Variants in SLCO4A1 observed in about 807,000 individuals in gnomAD.
SLCO4A1 encodes colon organic anion transporter.
A neutral mutation model predicts 64.6 loss-of-function variants in SLCO4A1; 51 were observed. The observed-to-expected ratio is 0.79, with a 90% confidence interval of 0.63 to 1.00. The LOEUF is 1.00. SLCO4A1 is among the 50% of genes least tolerant of loss of function. The probability of loss-of-function intolerance (pLI) is 0.00; values close to 1 mark genes in which losing one functional copy is unlikely to be tolerated. For synonymous variants in SLCO4A1, 471 were observed against 444.9 expected (o/e 1.06, Z -0.74); for missense variants, 919 against 980.5 (o/e 0.94, Z 0.84).
downstream of SLCO4A1, among the ~76,000 whole-genome samples, chr20:62,673,717 G>GCA (rs1987443600): frequency 1.3e-5 from 2 of 148,862 alleles, no homozygotes; most frequent in African/African-American, 2.4e-5. Context: ...GCTCAGCCCT[G>GCA]GCCTTCAAGG....
chr20:62,687,221 G>GCGCCCCCAAACAGGA (rs1988096908), downstream of SLCO4A1, among the ~76,000 whole-genome samples: 2 of 152,120 alleles, frequency 1.3e-5, no homozygotes, highest in African/African-American at 2.4e-5. Flanking sequence ...CAGGAGCGGG[G>GCGCCCCCAAACAGGA]GCCTCTGAAG....
At chr20:62,685,796 G>A (rs1024529969), downstream of SLCO4A1, 1 of 152,200 alleles carries the variant, frequency 6.6e-6, no homozygotes, top group Admixed American at 6.5e-5. The surrounding 1 kb of genome is among the most constrained non-coding windows in gnomAD (Gnocchi z 4.6). Context: ...TAAGAATTCT[G>A]CCCTTGCAAG....
intron 2 of SLCO4A1, among the ~76,000 whole-genome samples, chr20:62,681,690 C>T (rs945177787): frequency 7.9e-5 from 12 of 152,188 alleles, no homozygotes; most frequent in Admixed American, 7.2e-4. Flanking sequence ...GGTAAAATCA[C>T]CAGGTTGTGT....
chr20:62,686,743 G>A (rs549621785), downstream of SLCO4A1, among the ~76,000 whole-genome samples: 21 of 152,348 alleles, frequency 1.4e-4, no homozygotes, highest in East Asian at 3.3e-3. Context: ...AGGTTTGGAC[G>A]GTGCAGAGAC....
At chr20:62,689,821 G>A (rs1344366995), downstream of SLCO4A1, among the ~76,000 whole-genome samples, 2 of 152,350 alleles carry the variant, frequency 1.3e-5, no homozygotes, top group South Asian at 4.1e-4. Context: ...CCCACTCCAT[G>A]TGTGGGACGG....
chr20:62,668,413 T>A (rs1601674714), intron 9 of SLCO4A1, 64 bp from the exon 10 acceptor site: 1 of 1,538,262 alleles, frequency 6.5e-7, no homozygotes, highest in East Asian at 2.2e-5. Flanking sequence ...GCCACTGGCC[T>A]AGGGGGTGAC....
rs906943455 is a variant in SLCO4A1, at chr20:62,685,306, G to GC, written n.212-129dup. On this transcript the variant is annotated intron_variant and non_coding_transcript_variant, in intron 2 of 2. Transcript: ENST00000466818. The surrounding 1 kb of genome is among the most constrained non-coding windows in gnomAD (Gnocchi z 4.6). ...GGGCTGGGCCCTGGCTGCCCTGGCTGCCCCCCGACACCTTCCCCAGCTGGT... is the reference window on the plus strand; with the variant it reads ...GGGCTGGGCCCTGGCTGCCCTGGCTGCCCCCCCGACACCTTCCCCAGCTGGT... 1.5e-5 allele frequency: 4 copies of GC among 258,370 alleles called. No homozygotes were observed. The highest frequency in any genetic ancestry group is 1.5e-4 in the South Asian group (1 of 6,854). The allele number at this position is 258,370 out of a possible 1,614,324, so 16.0% of individuals were successfully genotyped here.
Position 62,656,723 on chromosome 20 carries a change from C to T in SLCO4A1, c.269C>T (p.Ala90Val). 5.0e-6 allele frequency: 8 copies of T among 1,610,818 alleles called. No individual in the cohort carries two copies. Among genetic ancestry groups the T allele is most frequent in the Non-Finnish European group, 6.8e-6 (8 of 1,179,082 alleles). ...CAGAGCGTGGCGTGCGGCTGGTGGG[C>T]CTTCGCACCGCCGTGCCTGCAGGTC... ...AGQSVACGWW[A>V]FAPPCLQVLN... The change falls in exon 2 of 12, where the codon GCC becomes GTC. Residue 90 changes from alanine to valine, a missense_variant. Transcript: ENST00000217159.
At chr20:62,651,430 G>A (rs1013527369) in intron 1 of SLCO4A1, 5 of 152,238 alleles carry the variant, frequency 3.3e-5, no homozygotes, top group Admixed American at 2.6e-4. Flanking sequence ...AGGCCCCAAC[G>A]GAAGCCCCTG....
intron 2 of SLCO4A1, among the ~76,000 whole-genome samples, chr20:62,657,909 A>G (rs1984033597): frequency 6.6e-6 from 1 of 152,234 alleles, no homozygotes; most frequent in Non-Finnish European, 1.5e-5. Flanking sequence ...GATCTATGTT[A>G]TAACTCTATG....
intron 1 of SLCO4A1, among the ~76,000 whole-genome samples, chr20:62,653,694 CA>C (rs1983068869): frequency 6.6e-6 from 1 of 152,242 alleles, no homozygotes; most frequent in Non-Finnish European, 1.5e-5. Flanking sequence ...AGGCCTCTGT[CA>C]TCTCCCAAAT....
In SLCO4A1 at chr20:62,661,023, G is replaced by GCCCCCCCC; in HGVS notation, c.1010-36_1010-35insCCCCCCCC. 7 of 732,786 alleles carry GCCCCCCCC rather than the reference G, an allele frequency of 9.6e-6. No homozygotes were observed. The highest frequency in any genetic ancestry group is 2.6e-5 in the East Asian group (1 of 38,466). 45.4% of individuals were successfully genotyped at this position (732,786 alleles called of 1,614,324 possible). On this transcript the variant is annotated intron_variant, in intron 4 of 11. Coordinates refer to ENST00000217159, the MANE Select transcript of SLCO4A1 (RefSeq NM_016354.4). This position sits in a 1 kb window ranked among gnomAD's most constrained non-coding sequence, Gnocchi z 5.2. The stretch of plus-strand genomic sequence containing the variant: ...CTCTCGGAGAAGTCCACCTCCGGGA[G>GCCCCCCCC]CCCCCAGCCCCCAGCCCCAGCTCAC...
rs373469360 is a variant in SLCO4A1, at chr20:62,657,177, C to A, written c.723C>A (p.Ala241=). 115 of 1,555,160 alleles carry A rather than the reference C, an allele frequency of 7.4e-5. No individual in the cohort carries two copies. In the African/African-American group the frequency reaches 1.4e-3, roughly 19 times the overall value. The change falls in exon 2 of 12, where the codon GCC becomes GCA. Residue 241 remains alanine, a synonymous_variant. Coordinates refer to ENST00000217159, the MANE Select transcript of SLCO4A1 (RefSeq NM_016354.4). The part of the protein sequence containing the change: ...MLGQFLHGVG[A]TPLYTLGVTY... ...GCCAGTTCCTGCATGGCGTGGGTGC[C>A]ACACCCCTCTACACGCTGGGCGTCA...
At chr20:62,665,442 G>A (rs568184100) in intron 6 of SLCO4A1, 65 of 199,784 alleles carry the variant, frequency 3.3e-4, no homozygotes, top group South Asian at 2.7e-3. Flanking sequence ...CTGGAACAGT[G>A]CAGCTGGGGG....
In SLCO4A1 at chr20:62,661,211, C is replaced by G. The variant is rs1362001335; in HGVS notation, c.1121+36C>G. On this transcript the variant is annotated intron_variant, in intron 5 of 11. Transcript: ENST00000217159. This position sits in a 1 kb window ranked among gnomAD's most constrained non-coding sequence, Gnocchi z 5.2. ...GAGTCGGGAGGGTTCCTAGTGTCCT[C>G]AGACCCTTTAATGGTCCCCATCTTG... The G allele has an allele frequency of 2.8e-6, 4 of 1,453,194 alleles. No homozygotes were observed. Among genetic ancestry groups the G allele is most frequent in the Non-Finnish European group, 9.7e-7 (1 of 1,034,744 alleles). The allele number at this position is 1,453,194 out of a possible 1,614,324, so 90.0% of individuals were successfully genotyped here.
In SLCO4A1 at chr20:62,669,066, G is replaced by T. The variant is rs143683038; in HGVS notation, c.2013G>T (p.Gly671=). The change falls in exon 11 of 12, where the codon GGG becomes GGT. Residue 671 remains glycine, a synonymous_variant. Coordinates refer to ENST00000217159, the MANE Select transcript of SLCO4A1 (RefSeq NM_016354.4). ...TGAGCCGCTACATACTCATCATGGG[G>T]CTCCTGTACAAGGTAAGCAGGCCCA... The part of the protein sequence containing the change: ...SAMSRYILIM[G]LLYKVLGVLF... The T allele has an allele frequency of 3.7e-6, 6 of 1,610,332 alleles. No individual in the cohort carries two copies. The highest frequency in any genetic ancestry group is 3.4e-6 in the Non-Finnish European group (4 of 1,179,944).
chr20:62,688,832 G>A (rs1031492359), downstream of SLCO4A1, among the ~76,000 whole-genome samples: 2 of 152,216 alleles, frequency 1.3e-5, no homozygotes, highest in African/African-American at 4.8e-5. Flanking sequence ...TCAGGGCCTG[G>A]GGGAAGCTGG....
chr20:62,649,359 C>T (rs1981998585), intron 1 of SLCO4A1: 1 of 152,300 alleles, frequency 6.6e-6, no homozygotes, highest in Admixed American at 6.5e-5. Flanking sequence ...CCACCCTTCA[C>T]ATGCTAATCT....
chr20:62,656,487 C>T lies in SLCO4A1; in HGVS notation c.33C>T (p.Leu11=). 1 of 1,524,656 alleles carries T rather than the reference C, an allele frequency of 6.6e-7. No individual in the cohort carries two copies. Among genetic ancestry groups the T allele is most frequent in the South Asian group, 1.2e-5 (1 of 81,998 alleles). 94.4% of individuals were successfully genotyped at this position (1,524,656 alleles called of 1,614,324 possible). The change falls in exon 2 of 12, where the codon CTC becomes CTT. Residue 11 remains leucine, a synonymous_variant. Coordinates refer to ENST00000217159, the MANE Select transcript of SLCO4A1 (RefSeq NM_016354.4). ...TGCATCAGCTGGGGGACAAGCCGCT[C>T]ACCTTCCCCAGCCCCAACTCAGCCA... MPLHQLGDKP[L]TFPSPNSAME... is the part of the protein sequence containing the mutation.
Sources: gnomAD v4.1 joint callset for allele counts (sites outside exome capture counted in the v4.1 genomes callset) on GRCh38, gnomAD v4.1.1 for gene constraint, Gnocchi (gnomAD v3.1) non-coding constraint, MANE v1.5 for transcripts, NCBI Gene and HGNC (gene_info 2026-07-23, HGNC 2026-07-21) for gene names.